The following WDR33 variants were observed in gnomAD, a reference collection of about 807,000 sequenced individuals.
WDR33 encodes WD repeat domain 33.
A neutral mutation model predicts 164.9 loss-of-function variants in WDR33; 47 were observed. The observed-to-expected ratio is 0.29, with a 90% CI of 0.23 to 0.36. The LOEUF is 0.36. WDR33 is among the 10% of genes least tolerant of loss of function. The probability of loss-of-function intolerance (pLI) is 1.00; values close to 1 mark genes in which losing one functional copy is unlikely to be tolerated. For synonymous variants in WDR33, 505 were observed against 589.0 expected, an observed-to-expected ratio of 0.86 and a Z score of 2.06; for missense variants, 1,137 against 1,754.1, an observed-to-expected ratio of 0.65 and a Z score of 6.28.
chr2:127,764,659 C>A lies in WDR33; in HGVS notation c.626+169G>T. The A allele has an allele frequency of 3.2e-6, 5 of 1,567,344 alleles. No individual in the cohort carries two copies. The highest frequency in any genetic ancestry group is 4.3e-6 in the Non-Finnish European group (5 of 1,155,228). Reference sequence around the variant, plus strand: ...GGGACAACACTACTTCAGAAAGGTGCCAGCAAAATGGTGAATGTGTGAAAA... The same window carrying A: ...GGGACAACACTACTTCAGAAAGGTGACAGCAAAATGGTGAATGTGTGAAAA... On this transcript the variant is annotated intron_variant, in intron 6 of 21. Coordinates refer to ENST00000322313, the MANE Select transcript of WDR33 (RefSeq NM_018383.5). This position sits in a 1 kb window ranked among gnomAD's most constrained non-coding sequence, Gnocchi z 6.2.
chr2:127,779,027 G>A (rs576565205), intron 1 of WDR33, among the ~76,000 whole-genome samples: 38 of 152,120 alleles, frequency 2.5e-4, no homozygotes, highest in African/African-American at 8.9e-4. Flanking sequence ...TGGGGGTAGA[G>A]CGAGGCTCTG....
At chr2:127,737,976 C>A in intron 7 of WDR33, 2 of 1,606,286 alleles carry the variant, frequency 1.2e-6, no homozygotes. Flanking sequence ...GTAAATGTGG[C>A]TCCCTAAACT....
chr2:127,743,273 AT>A (rs1381082004), intron 7 of WDR33, among the ~76,000 whole-genome samples: 1 of 152,216 alleles, frequency 6.6e-6, no homozygotes, highest in Non-Finnish European at 1.5e-5. Context: ...AGTGACATTG[AT>A]TTTTAAAAAC....
chr2:127,759,705 A>G (rs1286878555), intron 7 of WDR33, among the ~76,000 whole-genome samples: 1 of 152,032 alleles, frequency 6.6e-6, no homozygotes, highest in African/African-American at 2.4e-5. Context: ...ATATTTTTAA[A>G]ATAGTAAGAA....
chr2:127,771,894 A>C (rs777714943), intron 1 of WDR33, among the ~76,000 whole-genome samples: 2 of 152,192 alleles, frequency 1.3e-5, no homozygotes, highest in Non-Finnish European at 2.9e-5. Context: ...AGCACAATTC[A>C]TAACAGCTTG....
rs558048209 is a variant in WDR33 at position 127,770,547 on chromosome 2, C to T, written c.204+231G>A. On this transcript the variant is annotated intron_variant, in intron 2 of 21. Transcript: ENST00000322313. This position sits in a 1 kb window ranked among gnomAD's most constrained non-coding sequence, Gnocchi z 4.9. ...CTCTACTAAAACTACAAAAATTAGC[C>T]GGGCATGGTAGCAGGTGCCTATAAT... Among the ~76,000 whole-genome samples the T allele has an allele frequency of 1.3e-5, 2 of 152,036 alleles. No individual in the cohort carries two copies. The highest frequency in any genetic ancestry group is 4.8e-5 in the African/African-American group (2 of 41,490).
chr2:127,722,760 C>T lies in WDR33; in HGVS notation c.1379-30G>A. ...AACCGTAAAGAAAAGTGGTTTGCCT[C>T]TTAAATAAAAGAAATTGGCCACTTG... On this transcript the variant is annotated intron_variant, in intron 13 of 21. Coordinates refer to ENST00000322313, the MANE Select transcript of WDR33 (RefSeq NM_018383.5). This position sits in a 1 kb window ranked among gnomAD's most constrained non-coding sequence, Gnocchi z 5.1. 1 of 1,602,790 alleles carries T rather than the reference C, an allele frequency of 6.2e-7. No individual in the cohort carries two copies. Among genetic ancestry groups the T allele is most frequent in the Non-Finnish European group, 8.5e-7 (1 of 1,175,718 alleles).
chr2:127,799,744 G>A (rs1429342163), intron 1 of WDR33, among the ~76,000 whole-genome samples: 2 of 152,186 alleles, frequency 1.3e-5, no homozygotes, highest in African/African-American at 2.4e-5. Context: ...AAACCACGAT[G>A]AGCACCAGGA....
chr2:127,726,701 T>C lies in WDR33; in HGVS notation c.801A>G (p.Gln267=), dbSNP rs760799799. ...GLVVSGSKDS[Q]QPIKFWDPKT... The stretch of plus-strand genomic sequence containing the variant: ...TGGGATCCCAGAACTTGATTGGCTG[T>C]TGACTATCTTTACTTCCTGAAACAA... The change falls in exon 8 of 22, where the codon CAA becomes CAG. Residue 267 remains glutamine, a synonymous_variant. Transcript: ENST00000322313. The surrounding 1 kb of genome is among the most constrained non-coding windows in gnomAD (Gnocchi z 4.8). 1 of 1,614,234 alleles carries C rather than the reference T, an allele frequency of 6.2e-7. No individual in the cohort carries two copies. Among genetic ancestry groups the C allele is most frequent in the Non-Finnish European group, 8.5e-7 (1 of 1,180,042 alleles).
Position 127,717,725 on chromosome 2 carries a change from T to C in WDR33, c.2761-462A>G, listed in dbSNP as rs902730589. Among the ~76,000 whole-genome samples the C allele has an allele frequency of 2.0e-5, 3 of 152,232 alleles. No individual in the cohort carries two copies. Among genetic ancestry groups the C allele is most frequent in the African/African-American group, 4.8e-5 (2 of 41,456 alleles). On this transcript the variant is annotated intron_variant, in intron 16 of 21. Transcript: ENST00000322313. This position sits in a 1 kb window ranked among gnomAD's most constrained non-coding sequence, Gnocchi z 5.6. ...CAGACTCATTCTACCAGTATTTCTA[T>C]AGGTCAATTAAAATTTCAGAATCAT... is the stretch of plus-strand genomic sequence containing the variant.
chr2:127,749,499 T>C (rs1687255790), intron 7 of WDR33, among the ~76,000 whole-genome samples: 1 of 151,636 alleles, frequency 6.6e-6, no homozygotes, highest in Admixed American at 6.6e-5. Flanking sequence ...CCGTCTCTAC[T>C]AAAAATACAA....
rs548541094 is a variant in WDR33 at position 127,767,454 on chromosome 2, C to T, written c.378+735G>A. Among the ~76,000 whole-genome samples the T allele has an allele frequency of 1.1e-4, 16 of 152,268 alleles. No homozygotes were observed. The South Asian group carries it at 3.3e-3, about 32-fold the overall frequency. On this transcript the variant is annotated intron_variant, in intron 4 of 21. Coordinates refer to ENST00000322313, the MANE Select transcript of WDR33 (RefSeq NM_018383.5). Reference sequence around the variant, plus strand: ...TAAGGCCGGGCACGGTGGCTCATGCCTGTAATCCCAGCACTTTGGGAGGCT... The same window carrying T: ...TAAGGCCGGGCACGGTGGCTCATGCTTGTAATCCCAGCACTTTGGGAGGCT...
chr2:127,727,121 T>C (rs948258605), intron 7 of WDR33, among the ~76,000 whole-genome samples: 3 of 152,228 alleles, frequency 2.0e-5, no homozygotes, highest in Non-Finnish European at 4.4e-5. Flanking sequence ...ACCCTGATTA[T>C]AGGGCACAAT....
intron 1 of WDR33, among the ~76,000 whole-genome samples, chr2:127,787,386 C>T (rs1167937996): frequency 1.3e-4 from 16 of 122,034 alleles, no homozygotes; most frequent in Admixed American, 2.2e-4. Flanking sequence ...ACCTCCCAGA[C>T]GGGGTGGTGG....
intron 1 of WDR33, among the ~76,000 whole-genome samples, chr2:127,786,127 A>G (rs1347367436): frequency 6.6e-6 from 1 of 152,198 alleles, no homozygotes; most frequent in African/African-American, 2.4e-5. Flanking sequence ...TAAACCTCCT[A>G]GGCTCAAACA....
intron 1 of WDR33, among the ~76,000 whole-genome samples, chr2:127,797,160 G>C (rs1319784763): frequency 1.3e-5 from 2 of 151,640 alleles, no homozygotes; most frequent in East Asian, 3.8e-4. Flanking sequence ...ATACCTTTTA[G>C]CTACAAAATA....
intron 7 of WDR33, chr2:127,762,622 G>A: frequency 2.0e-6 from 2 of 988,100 alleles, no homozygotes; most frequent in Non-Finnish European, 2.4e-6. Flanking sequence ...AAAACCAACT[G>A]CTTTCAAAAA....
rs1344954091 is a variant in WDR33, at chr2:127,723,786, A to C, written c.1197-439T>G. Among the ~76,000 whole-genome samples the C allele has an allele frequency of 6.6e-6, 1 of 151,648 alleles. No individual in the cohort carries two copies. Among genetic ancestry groups the C allele is most frequent in the African/African-American group, 2.4e-5 (1 of 41,202 alleles). ...TTAAAATAATAATAAAAATAAAAAT[A>C]AAATGTGGGGCCGGGCAAGGTGGCT... On this transcript the variant is annotated intron_variant, in intron 11 of 21. Coordinates refer to ENST00000322313, the MANE Select transcript of WDR33 (RefSeq NM_018383.5). The surrounding 1 kb of genome is among the most constrained non-coding windows in gnomAD (Gnocchi z 5.9).
Position 127,723,452 on chromosome 2 carries a change from T to C in WDR33, c.1197-105A>G. On this transcript the variant is annotated intron_variant, in intron 11 of 21. Coordinates refer to ENST00000322313, the MANE Select transcript of WDR33 (RefSeq NM_018383.5). This position sits in a 1 kb window ranked among gnomAD's most constrained non-coding sequence, Gnocchi z 5.9. ...GTAAACACAACACATTTTTACAATT[T>C]GTTTCTTCTACAAATTTAAAATGTG... 6 of 898,570 alleles carry C rather than the reference T, an allele frequency of 6.7e-6. No individual in the cohort carries two copies. In the East Asian group the frequency reaches 1.3e-4, roughly 19 times the overall value. 55.7% of individuals were successfully genotyped at this position (898,570 alleles called of 1,614,324 possible). A position where few individuals can be genotyped will look rare whatever the true frequency, so the allele number is the denominator to read the frequency against.
Sources: allele counts gnomAD v4.1 joint callset (sites outside exome capture counted in the v4.1 genomes callset), GRCh38; gene constraint gnomAD v4.1.1; non-coding constraint Gnocchi (gnomAD v3.1); transcripts MANE v1.5; gene names NCBI Gene and HGNC (gene_info 2026-07-23, HGNC 2026-07-21).